The following PTPRM variants were observed in gnomAD, a reference collection of about 807,000 sequenced individuals.
The protein encoded by PTPRM is receptor-type tyrosine-protein phosphatase mu.
A neutral mutation model predicts 186.7 loss-of-function variants in PTPRM; 47 were observed. The observed-to-expected ratio is 0.25, with a 90% confidence interval of 0.20 to 0.32. The LOEUF (loss-of-function observed/expected upper bound fraction) is 0.32. Ranked by LOEUF, PTPRM falls within the 10% of genes least tolerant of loss-of-function variation. The probability of loss-of-function intolerance (pLI) is 1.00; values close to 1 mark genes in which losing one functional copy is unlikely to be tolerated. For missense variants in PTPRM, 1,494 were observed against 1,865.0 expected (o/e 0.80, Z 3.66); for synonymous variants, 668 against 674.9 (o/e 0.99, Z 0.16).
chr18:8,069,678 C>G lies in PTPRM; in HGVS notation c.1133-8C>G. The G allele has an allele frequency of 6.2e-7, 1 of 1,601,054 alleles. No homozygotes were observed. Among genetic ancestry groups the G allele is most frequent in the Non-Finnish European group, 8.5e-7 (1 of 1,170,896 alleles). Reference sequence around the variant, plus strand: ...CTCATGTTTTCTTTTGTCTTCTTTTCTAAATAGATCCCATGCGAGGCCCAA... The same window carrying G: ...CTCATGTTTTCTTTTGTCTTCTTTTGTAAATAGATCCCATGCGAGGCCCAA... On this transcript the variant is annotated splice_region_variant and splice_polypyrimidine_tract_variant and intron_variant, in intron 7 of 32. Transcript: ENST00000580170.
At chr18:7,633,383 G>A (rs2038236965) in intron 1 of PTPRM, among the ~76,000 whole-genome samples, 1 of 152,176 alleles carries the variant, frequency 6.6e-6, no homozygotes, top group Non-Finnish European at 1.5e-5. Context: ...ATCTTTGGAT[G>A]GCTGTGTCTC....
At chr18:7,965,563 C>T (rs1342632043) in intron 7 of PTPRM, among the ~76,000 whole-genome samples, 1 of 152,094 alleles carries the variant, frequency 6.6e-6, no homozygotes, top group African/African-American at 2.4e-5. Context: ...GATTGTTCAC[C>T]ATAGGGCTGC....
In PTPRM at chr18:8,088,903, T is replaced by C. The variant is rs779725898; in HGVS notation, c.1856+52T>C. 8 of 1,347,732 alleles carry C rather than the reference T, an allele frequency of 5.9e-6. No homozygotes were observed. The African/African-American group carries it at 8.7e-5, about 15-fold the overall frequency. 83.5% of individuals were successfully genotyped at this position (1,347,732 alleles called of 1,614,324 possible). A position where few individuals can be genotyped will look rare whatever the true frequency, so the allele number is the denominator to read the frequency against. Reference sequence around the variant, plus strand: ...CTAGATAGAAGAAAACTAAATCAAGTTGATTAATTCCTCCAATGTGTTTTC... The same window carrying C: ...CTAGATAGAAGAAAACTAAATCAAGCTGATTAATTCCTCCAATGTGTTTTC... On this transcript the variant is annotated intron_variant, in intron 11 of 32. Coordinates refer to ENST00000580170, the MANE Select transcript of PTPRM (RefSeq NM_001105244.2).
At chr18:7,678,584 C>T (rs1432055001) in intron 1 of PTPRM, among the ~76,000 whole-genome samples, 1 of 152,126 alleles carries the variant, frequency 6.6e-6, no homozygotes, top group African/African-American at 2.4e-5. Flanking sequence ...CTCCATGTTT[C>T]TCTGTATACA....
In PTPRM at chr18:8,253,519, G is replaced by A. The variant is rs201706468; in HGVS notation, c.2754+105G>A. ...AAAGCCAGAGAAAACCCCCTGCCCC[G>A]AGAGATGCCAGAAAGAGATGAAGTA... On this transcript the variant is annotated intron_variant, in intron 19 of 32. Coordinates refer to ENST00000580170, the MANE Select transcript of PTPRM (RefSeq NM_001105244.2). 6.1e-5 allele frequency: 65 copies of A among 1,067,816 alleles called. No individual in the cohort carries two copies. The East Asian group carries it at 1.3e-3, about 21-fold the overall frequency. The allele number at this position is 1,067,816 out of a possible 1,614,324, so 66.1% of individuals were successfully genotyped here. A position where few individuals can be genotyped will look rare whatever the true frequency, so the allele number is the denominator to read the frequency against.
chr18:7,767,816 A>C (rs1255297576), intron 1 of PTPRM, among the ~76,000 whole-genome samples: 1 of 152,186 alleles, frequency 6.6e-6, no homozygotes. Context: ...ATACTAGAAA[A>C]ATGAACAAGT....
At position 8,017,500 on chromosome 18, in the gene PTPRM, T is replaced by C. The variant is rs550705034; in HGVS notation, c.1133-52186T>C. Among the ~76,000 whole-genome samples the C allele has an allele frequency of 1.4e-4, 20 of 147,050 alleles. No homozygotes were observed. In the South Asian group the frequency reaches 2.8e-3, roughly 21 times the overall value. On this transcript the variant is annotated intron_variant, in intron 7 of 32. Transcript: ENST00000580170. ...CAGGAGGCTGAGGCAAGAGAATTGC[T>C]TGGACCCGGGAGGCAGAGGTTGCAG...
chr18:8,050,183 T>C (rs1658798193), intron 7 of PTPRM, among the ~76,000 whole-genome samples: 1 of 152,212 alleles, frequency 6.6e-6, no homozygotes, highest in African/African-American at 2.4e-5. Context: ...GAGAACCTTA[T>C]TTGAAGTACA....
chr18:8,143,566 T>C (rs2092812442), intron 13 of PTPRM, 81 bp from the exon 14 acceptor site: 2 of 1,456,510 alleles, frequency 1.4e-6, no homozygotes, highest in Non-Finnish European at 1.9e-6. Context: ...CTCTGTTAAA[T>C]GCAGCGAAAT....
chr18:8,208,780 G>A (rs1240838638), intron 14 of PTPRM, among the ~76,000 whole-genome samples: 3 of 152,196 alleles, frequency 2.0e-5, no homozygotes, highest in Admixed American at 6.5e-5. Context: ...CCAAAGTGTT[G>A]GGATTACAGG....
At chr18:8,071,544 C>T (rs2089475898) in intron 8 of PTPRM, among the ~76,000 whole-genome samples, 1 of 152,182 alleles carries the variant, frequency 6.6e-6, no homozygotes, top group Non-Finnish European at 1.5e-5. Context: ...ACTTAATCTT[C>T]ATTCCAGTGC....
intron 1 of PTPRM, among the ~76,000 whole-genome samples, chr18:7,710,716 G>A (rs1045550155): frequency 2.6e-5 from 4 of 152,162 alleles, no homozygotes; most frequent in South Asian, 2.1e-4. Flanking sequence ...ACAAAAATCA[G>A]TGTACACAAA....
chr18:7,778,179 T>C (rs898024896), intron 2 of PTPRM, among the ~76,000 whole-genome samples: 2 of 152,200 alleles, frequency 1.3e-5, no homozygotes, highest in Non-Finnish European at 2.9e-5. Flanking sequence ...TAAAATGCAG[T>C]TTGGAGTTTT....
At chr18:7,628,312 AAAGAT>A (rs2038109784) in intron 1 of PTPRM, among the ~76,000 whole-genome samples, 1 of 152,236 alleles carries the variant, frequency 6.6e-6, no homozygotes, top group Admixed American at 6.5e-5. Context: ...AGAAACAAAA[AAAGAT>A]AAGTAGCTTA....
chr18:8,173,502 G>C (rs1481720766), intron 14 of PTPRM, among the ~76,000 whole-genome samples: 1 of 152,206 alleles, frequency 6.6e-6, no homozygotes, highest in Non-Finnish European at 1.5e-5. Flanking sequence ...TGCCCAGTGG[G>C]TTCTTGCTGC....
chr18:7,719,192 A>G (rs1287245663), intron 1 of PTPRM, among the ~76,000 whole-genome samples: 2 of 152,246 alleles, frequency 1.3e-5, no homozygotes, highest in Non-Finnish European at 2.9e-5. Context: ...TGCTATGTAT[A>G]CACTGGGAAT....
At chr18:7,937,306 G>A (rs1254056106) in intron 5 of PTPRM, among the ~76,000 whole-genome samples, 1 of 152,186 alleles carries the variant, frequency 6.6e-6, no homozygotes, top group East Asian at 1.9e-4. Context: ...CCTCTTCGTG[G>A]CTCTGCAGTT....
intron 1 of PTPRM, among the ~76,000 whole-genome samples, chr18:7,739,503 A>G (rs1411281023): frequency 6.6e-6 from 1 of 152,254 alleles, no homozygotes; most frequent in African/African-American, 2.4e-5. Flanking sequence ...ATGTATTCCA[A>G]TATCAAACAG....
intron 7 of PTPRM, among the ~76,000 whole-genome samples, chr18:7,988,672 C>T (rs749842244): frequency 2.0e-5 from 3 of 152,244 alleles, no homozygotes; most frequent in African/African-American, 4.8e-5. Context: ...TGGTTTTCCA[C>T]GTGTCTGACT....
Sources: allele counts gnomAD v4.1 joint callset (sites outside exome capture counted in the v4.1 genomes callset), GRCh38; gene constraint gnomAD v4.1.1; transcripts MANE v1.5; gene names NCBI Gene and HGNC (gene_info 2026-07-23, HGNC 2026-07-21).